RNMT: variants seen among roughly 807,000 people sequenced by gnomAD.
RNMT encodes the protein mRNA cap guanine-N(7) methyltransferase.
RNMT carries 27 observed loss-of-function variants against 56.0 expected under a neutral mutation model. The observed-to-expected ratio is 0.48, with a 90% CI of 0.36 to 0.67. The LOEUF is 0.67. Ranked by LOEUF, RNMT falls within the 30% of genes least tolerant of loss-of-function variation. The pLI is 0.00. For synonymous variants in RNMT, 184 were observed against 176.2 expected, an observed-to-expected ratio of 1.04 and a Z score of -0.35; for missense variants, 519 against 552.1, an observed-to-expected ratio of 0.94 and a Z score of 0.60.
chr18:13,761,152 C>T lies in RNMT; in HGVS notation c.*1173C>T. The T allele has an allele frequency of 1.0e-6, 1 of 985,408 alleles. No individual in the cohort carries two copies. The highest frequency in any genetic ancestry group is 1.2e-6 in the Non-Finnish European group (1 of 829,908). 61.0% of individuals were successfully genotyped at this position (985,408 alleles called of 1,614,324 possible). On this transcript the variant is annotated 3_prime_UTR_variant, in exon 12 of 12. Coordinates refer to ENST00000383314, the MANE Select transcript of RNMT (RefSeq NM_003799.3). Reference sequence around the variant, plus strand: ...AAAACATAGTGTCTTCATTAGTGTGCATCTATTAACTGTTCATGGTGTTAG... The same window carrying T: ...AAAACATAGTGTCTTCATTAGTGTGTATCTATTAACTGTTCATGGTGTTAG...
intron 9 of RNMT, among the ~76,000 whole-genome samples, chr18:13,750,710 AG>A (rs2044427859): frequency 1.3e-5 from 2 of 152,016 alleles, no homozygotes; most frequent in Non-Finnish European, 2.9e-5. Flanking sequence ...GTTGAGGTGG[AG>A]GATCACTTGA....
At position 13,762,366 on chromosome 18, in the gene RNMT, G is replaced by A; in HGVS notation, c.*2387G>A. The A allele has an allele frequency of 1.8e-6, 1 of 571,108 alleles. No homozygotes were observed. The highest frequency in any genetic ancestry group is 3.1e-6 in the Non-Finnish European group (1 of 326,352). The allele number at this position is 571,108 out of a possible 1,614,324, so 35.4% of individuals were successfully genotyped here. On this transcript the variant is annotated 3_prime_UTR_variant, in exon 12 of 12. Coordinates refer to ENST00000383314, the MANE Select transcript of RNMT (RefSeq NM_003799.3). ...TGGCAGTTTTTAACCACTTCTGTGG[G>A]AGCCGTGTTCTAACCTGTGGAAAGT...
chr18:13,754,882 T>C (rs1309757784), intron 11 of RNMT, among the ~76,000 whole-genome samples: 1 of 152,196 alleles, frequency 6.6e-6, no homozygotes, highest in Non-Finnish European at 1.5e-5. Flanking sequence ...GTTAGAGGTG[T>C]GCATGATAGG....
rs992737505 is a variant in RNMT, at chr18:13,762,862, G to A, written c.*2883G>A. 15 of 307,376 alleles carry A rather than the reference G, an allele frequency of 4.9e-5. No homozygotes were observed. In the Admixed American group the frequency reaches 5.0e-4, roughly 10 times the overall value. The allele number at this position is 307,376 out of a possible 1,614,324, so 19.0% of individuals were successfully genotyped here. A position where few individuals can be genotyped will look rare whatever the true frequency, so the allele number is the denominator to read the frequency against. ...ATTCAAGTACTCTTCAAGTATCTTT[G>A]TAATGAAGGTTTGGCTACTTGTATA... is the stretch of plus-strand genomic sequence containing the variant. On this transcript the variant is annotated 3_prime_UTR_variant, in exon 12 of 12. Coordinates refer to ENST00000383314, the MANE Select transcript of RNMT (RefSeq NM_003799.3).
chr18:13,742,754 A>G, intron 8 of RNMT, 102 bp downstream of exon 8: 2 of 864,296 alleles, frequency 2.3e-6, no homozygotes, highest in South Asian at 1.9e-5. Context: ...AATGAGGGCT[A>G]AAGAAAAAGT....
chr18:13,760,858 C>T lies in RNMT; in HGVS notation c.*879C>T. Reference sequence around the variant, plus strand: ...GTACCCACTTCAGAAATAAGCAATACTTGTTCCTCTGTTACAACCTCAGCA... The same window carrying T: ...GTACCCACTTCAGAAATAAGCAATATTTGTTCCTCTGTTACAACCTCAGCA... On this transcript the variant is annotated 3_prime_UTR_variant, in exon 12 of 12. Coordinates refer to ENST00000383314, the MANE Select transcript of RNMT (RefSeq NM_003799.3). 1 of 985,398 alleles carries T rather than the reference C, an allele frequency of 1.0e-6. No homozygotes were observed. Among genetic ancestry groups the T allele is most frequent in the Non-Finnish European group, 1.2e-6 (1 of 829,890 alleles). 61.0% of individuals were successfully genotyped at this position (985,398 alleles called of 1,614,324 possible). A position where few individuals can be genotyped will look rare whatever the true frequency, so the allele number is the denominator to read the frequency against.
chr18:13,744,097 T>C (rs2044305413), intron 8 of RNMT, among the ~76,000 whole-genome samples: 1 of 145,660 alleles, frequency 6.9e-6, no homozygotes, highest in African/African-American at 2.5e-5. Flanking sequence ...GATTTTAGTA[T>C]AATCAAAAAG....
chr18:13,743,837 G>C (rs1367063909), intron 8 of RNMT, among the ~76,000 whole-genome samples: 2 of 151,814 alleles, frequency 1.3e-5, no homozygotes, highest in East Asian at 1.9e-4. Flanking sequence ...TTCTATAATA[G>C]CTTATTCAAT....
chr18:13,761,311 T>C lies in RNMT; in HGVS notation c.*1332T>C. 1.0e-6 allele frequency: 1 copy of C among 985,444 alleles called. No individual in the cohort carries two copies. The allele number at this position is 985,444 out of a possible 1,614,324, so 61.0% of individuals were successfully genotyped here. On this transcript the variant is annotated 3_prime_UTR_variant, in exon 12 of 12. Transcript: ENST00000383314. Reference sequence around the variant, plus strand: ...CTTAAGTCATTTTGGAAATAAGTAATACTGCATCTGACTCTGGTGGCTGTA... The same window carrying C: ...CTTAAGTCATTTTGGAAATAAGTAACACTGCATCTGACTCTGGTGGCTGTA...
intron 7 of RNMT, among the ~76,000 whole-genome samples, 177 bp downstream of exon 7, chr18:13,741,868 A>G (rs967538572): frequency 4.6e-5 from 7 of 152,246 alleles, no homozygotes; most frequent in Non-Finnish European, 7.3e-5. Context: ...TTACAGGTGA[A>G]CTTTTAACAG....
chr18:13,732,742 CTTTT>C (rs376073026), intron 3 of RNMT, among the ~76,000 whole-genome samples: 2 of 28,530 alleles, frequency 7.0e-5, no homozygotes, highest in South Asian at 2.7e-3. Context: ...GGAGCCCCCC[CTTTT>C]TTTTTTTTTT....
In RNMT at chr18:13,761,741, G is replaced by T; in HGVS notation, c.*1762G>T. 1 of 1,165,062 alleles carries T rather than the reference G, an allele frequency of 8.6e-7. No homozygotes were observed. Among genetic ancestry groups the T allele is most frequent in the Non-Finnish European group, 1.1e-6 (1 of 939,392 alleles). 72.2% of individuals were successfully genotyped at this position (1,165,062 alleles called of 1,614,324 possible). On this transcript the variant is annotated 3_prime_UTR_variant, in exon 12 of 12. Transcript: ENST00000383314. ...AGCCCACTGTTGTTGGTGTCAGGGA[G>T]GCTTACTGGAGCCACACCTGCAGGC...
At chr18:13,737,557 T>A (rs973531352) in intron 5 of RNMT, among the ~76,000 whole-genome samples, 1 of 151,556 alleles carries the variant, frequency 6.6e-6, no homozygotes, top group Non-Finnish European at 1.5e-5. Flanking sequence ...AAAAAAAAAT[T>A]AGTTACAAGA....
rs560579518 is a variant in RNMT, at chr18:13,760,145, A to G, written c.*166A>G. 3.6e-4 allele frequency: 479 copies of G among 1,345,968 alleles called. No individual in the cohort carries two copies. Among genetic ancestry groups the G allele is most frequent in the Middle Eastern group, 7.6e-4 (3 of 3,948 alleles). The allele number at this position is 1,345,968 out of a possible 1,614,324, so 83.4% of individuals were successfully genotyped here. ...ATTCAACATTTGCTGTCTGTGACAG[A>G]TGAACTTTTGCATGTGTATATAAGA... On this transcript the variant is annotated 3_prime_UTR_variant, in exon 12 of 12. Transcript: ENST00000383314.
At chr18:13,732,760 T>G (rs2044094018) in intron 3 of RNMT, among the ~76,000 whole-genome samples, 1 of 92,546 alleles carries the variant, frequency 1.1e-5, no homozygotes, top group Admixed American at 1.1e-4. Context: ...TTTTTTTTTT[T>G]TTGGAGACAG....
At chr18:13,750,688 G>A (rs2044427351) in intron 9 of RNMT, among the ~76,000 whole-genome samples, 2 of 151,962 alleles carry the variant, frequency 1.3e-5, no homozygotes, top group Admixed American at 1.3e-4. Context: ...TGTAGTCCCA[G>A]CTACCCAGGA....
intron 9 of RNMT, among the ~76,000 whole-genome samples, chr18:13,751,070 C>G (rs1209260511): frequency 6.6e-6 from 1 of 152,094 alleles, no homozygotes; most frequent in Non-Finnish European, 1.5e-5. Context: ...GACTTCATGA[C>G]TAAAACACCA....
In RNMT at chr18:13,762,049, A is replaced by G. The variant is rs1369283963; in HGVS notation, c.*2070A>G. The G allele has an allele frequency of 1.3e-6, 2 of 1,535,986 alleles. No individual in the cohort carries two copies. Among genetic ancestry groups the G allele is most frequent in the Admixed American group, 2.0e-5 (1 of 50,984 alleles). On this transcript the variant is annotated 3_prime_UTR_variant, in exon 12 of 12. Transcript: ENST00000383314. ...CGGTATTCTATTCAGGACTTACGGT[A>G]ACTATTATGAGGGAGGCATGGCTTT...
rs758001810 is a variant in RNMT at position 13,740,167 on chromosome 18, A to G, written c.680A>G (p.Asp227Gly). ...KGRINKLVCT[D>G]IADVSVKQCQ... ...TACTAATACCCTTCCATCCTTCCAG[A>G]TATTGCCGATGTTTCTGTCAAACAG... The change falls in exon 6 of 12, where the codon GAT (aspartate) becomes GGT (glycine). Residue 227 changes from aspartate to glycine, a missense_variant and splice_region_variant. Coordinates refer to ENST00000383314, the MANE Select transcript of RNMT (RefSeq NM_003799.3). 1.3e-6 allele frequency: 2 copies of G among 1,588,304 alleles called. No individual in the cohort carries two copies. Among genetic ancestry groups the G allele is most frequent in the East Asian group, 2.2e-5 (1 of 44,720 alleles).
Sources: gnomAD v4.1 joint callset for allele counts (sites outside exome capture counted in the v4.1 genomes callset) on GRCh38, gnomAD v4.1.1 for gene constraint, MANE v1.5 for transcripts, NCBI Gene and HGNC (gene_info 2026-07-23, HGNC 2026-07-21) for gene names.